The following PCDHA2 variants were observed in gnomAD, a reference collection of about 807,000 sequenced individuals.
PCDHA2 encodes the protein protocadherin alpha-2.
PCDHA2 carries 58 observed loss-of-function variants against 66.0 expected under a neutral mutation model. The ratio of observed to expected loss-of-function variants is 0.88; its 90% CI spans 0.71 to 1.09. The LOEUF is 1.09. Ranked by LOEUF, PCDHA2 falls within the 50% of genes least tolerant of loss-of-function variation. The pLI, the probability that PCDHA2 is intolerant of heterozygous loss-of-function variation, is 0.00. For missense variants in PCDHA2, 1,267 were observed against 1,242.3 expected, an observed-to-expected ratio of 1.02 and a Z score of -0.30; for synonymous variants, 634 against 554.0, an observed-to-expected ratio of 1.14 and a Z score of -2.03.
intron 1 of PCDHA2, among the ~76,000 whole-genome samples, chr5:140,921,910 A>G (rs1474219286): frequency 6.6e-6 from 1 of 152,086 alleles, no homozygotes; most frequent in Non-Finnish European, 1.5e-5. Context: ...TATATATTAC[A>G]TGATAAAACT....
intron 1 of PCDHA2, chr5:140,870,259 T>G: frequency 6.2e-7 from 1 of 1,614,190 alleles, no homozygotes; most frequent in African/African-American, 1.3e-5. Flanking sequence ...ACAGGTGACC[T>G]GCTCGCTGAC....
rs782443070 is a variant in PCDHA2, at chr5:140,797,021, C to A, written c.2057C>A (p.Ala686Asp). ...GCCTCGTCGCGGGCGTGGGTGGGCG[C>A]CGCGGGCTCAGAGGCTACGCTGGTG... ...PKASSRAWVG[A>D]AGSEATLVDV... is the part of the protein sequence containing the mutation. Residue 686 changes from alanine (A) to aspartate (D), a missense_variant, in exon 1 of 4, where the codon GCC becomes GAC. By Grantham distance (126) the Ala-to-Asp change is moderately radical. Transcript: ENST00000526136. 3 of 1,613,716 alleles carry A rather than the reference C, an allele frequency of 1.9e-6. No individual in the cohort carries two copies. Among genetic ancestry groups the A allele is most frequent in the Non-Finnish European group, 2.5e-6 (3 of 1,179,974 alleles).
At chr5:140,902,647 G>T (rs1286700570) in intron 1 of PCDHA2, among the ~76,000 whole-genome samples, 3 of 150,932 alleles carry the variant, frequency 2.0e-5, no homozygotes, top group African/African-American at 7.3e-5. Context: ...CTGAGATTTT[G>T]GTGCACCTGT....
At chr5:140,854,832 T>C (rs1167287485) in intron 1 of PCDHA2, among the ~76,000 whole-genome samples, 8 of 149,892 alleles carry the variant, frequency 5.3e-5, no homozygotes, top group African/African-American at 2.0e-4. Context: ...ATGAAAAACT[T>C]CACTGACATT....
At chr5:140,909,235 A>G (rs1554193708) in intron 1 of PCDHA2, among the ~76,000 whole-genome samples, 1 of 152,182 alleles carries the variant, frequency 6.6e-6, no homozygotes, top group African/African-American at 2.4e-5. Flanking sequence ...TAGGATGGTA[A>G]AGATATATTG....
chr5:140,853,923 T>C lies in PCDHA2; in HGVS notation c.2388+56571T>C, dbSNP rs150827815. 226 of 917,558 alleles carry C rather than the reference T, an allele frequency of 2.5e-4. 13 individuals carry two copies. The highest frequency in any genetic ancestry group is 2.8e-4 in the Non-Finnish European group (208 of 754,762). The allele number at this position is 917,558 out of a possible 1,614,324, so 56.8% of individuals were successfully genotyped here. A position where few individuals can be genotyped will look rare whatever the true frequency, so the allele number is the denominator to read the frequency against. On this transcript the variant is annotated intron_variant, in intron 1 of 3. Coordinates refer to ENST00000526136, the MANE Select transcript of PCDHA2 (RefSeq NM_018905.3). Reference sequence around the variant, plus strand: ...TGGCCTGACACCTGCAATCCCAACATTTTGGGAGGCCAAGGTGGGAGGGTC... The same window carrying C: ...TGGCCTGACACCTGCAATCCCAACACTTTGGGAGGCCAAGGTGGGAGGGTC...
At chr5:140,828,459 T>C (rs1220650558) in intron 1 of PCDHA2, 1 of 1,613,846 alleles carries the variant, frequency 6.2e-7, no homozygotes, top group Non-Finnish European at 8.5e-7. Context: ...GACGTGGAGG[T>C]GAGGGACATT....
At chr5:140,855,253 C>A (rs2043395056) in intron 1 of PCDHA2, among the ~76,000 whole-genome samples, 2 of 149,832 alleles carry the variant, frequency 1.3e-5, no homozygotes, top group South Asian at 4.2e-4. Flanking sequence ...CAAGCACTTA[C>A]TATATTATAA....
At chr5:140,829,824 G>T in intron 1 of PCDHA2, 2 of 1,613,914 alleles carry the variant, frequency 1.2e-6, no homozygotes, top group Non-Finnish European at 1.7e-6. Flanking sequence ...GGTGCAGTGA[G>T]CGAGCTGGTG....
intron 1 of PCDHA2, chr5:140,869,668 A>G (rs540975019): frequency 1.2e-6 from 2 of 1,613,544 alleles, no homozygotes; most frequent in African/African-American, 1.3e-5. Context: ...TGGTAAGCAG[A>G]TTAAAAGACT....
intron 1 of PCDHA2, among the ~76,000 whole-genome samples, chr5:140,965,377 A>T (rs1479954226): frequency 6.6e-6 from 1 of 152,190 alleles, no homozygotes; most frequent in African/African-American, 2.4e-5. Context: ...AAACTTGGGG[A>T]CACAGAAGAA....
intron 1 of PCDHA2, among the ~76,000 whole-genome samples, chr5:140,917,286 C>T (rs155803): frequency 0.32 from 46,630 of 146,510 alleles, 7,654 homozygotes; most frequent in East Asian, 0.52. Context: ...GACGCTTTTC[C>T]GTGTGCAGAT....
intron 1 of PCDHA2, among the ~76,000 whole-genome samples, chr5:140,839,879 G>A (rs1448032566): frequency 6.6e-6 from 1 of 151,996 alleles, no homozygotes; most frequent in East Asian, 1.9e-4. Flanking sequence ...AAGATGAATA[G>A]AATTTTGACA....
At chr5:140,842,777 G>T (rs2150343988) in intron 1 of PCDHA2, 1 of 1,594,618 alleles carries the variant, frequency 6.3e-7, no homozygotes, top group Non-Finnish European at 8.6e-7. Flanking sequence ...GGACGCGCAG[G>T]AGAACGCGCT....
chr5:140,835,821 G>C (rs2150245813), intron 1 of PCDHA2: 5 of 1,612,596 alleles, frequency 3.1e-6, no homozygotes, highest in Admixed American at 1.7e-5. Context: ...TGTGTCGGCG[G>C]GGGACGCGGA....
chr5:140,828,954 T>C, intron 1 of PCDHA2: 2 of 1,614,236 alleles, frequency 1.2e-6, no homozygotes, highest in South Asian at 1.1e-5. Context: ...GTTGCAGCCA[T>C]GGTTATTGAC....
At chr5:140,913,160 G>T (rs1437493261) in intron 1 of PCDHA2, among the ~76,000 whole-genome samples, 4 of 152,156 alleles carry the variant, frequency 2.6e-5, no homozygotes, top group African/African-American at 9.7e-5. Flanking sequence ...AGTAGGATTG[G>T]TATTAGTTCT....
chr5:140,850,264 T>C (rs2150476504), intron 1 of PCDHA2: 2 of 1,594,136 alleles, frequency 1.3e-6, no homozygotes, highest in Admixed American at 1.7e-5. Flanking sequence ...GCCGGCGTAG[T>C]GGTGGGGAAG....
At chr5:140,836,828 T>C (rs1233722756) in intron 1 of PCDHA2, 27 of 957,894 alleles carry the variant, frequency 2.8e-5, no homozygotes, top group Non-Finnish European at 3.7e-5. Flanking sequence ...TCTTTTTTAG[T>C]TGATAGCTTT....
Sources: gnomAD v4.1 joint callset for allele counts (sites outside exome capture counted in the v4.1 genomes callset) on GRCh38, gnomAD v4.1.1 for gene constraint, MANE v1.5 for transcripts, NCBI Gene and HGNC (gene_info 2026-07-23, HGNC 2026-07-21) for gene names.